The following DYTN variants were observed in gnomAD, a reference collection of about 807,000 sequenced individuals.
The protein encoded by DYTN is dystrotelin.
DYTN carries 75 observed loss-of-function variants against 69.6 expected under a neutral mutation model. The observed-to-expected ratio is 1.08, with a 90% CI of 0.89 to 1.31. The LOEUF (loss-of-function observed/expected upper bound fraction) is 1.31, where lower values mean the gene tolerates loss of function less well. DYTN is among the 50% of genes most tolerant of loss of function. The pLI, the probability that DYTN is intolerant of heterozygous loss-of-function variation, is 0.00. For missense variants in DYTN, 726 were observed against 688.4 expected (o/e 1.05, Z -0.61); for synonymous variants, 252 against 249.1 (o/e 1.01, Z -0.11).
In DYTN at chr2:206,699,997, G is replaced by T. The variant is rs1344089133; in HGVS notation, c.556-107C>A. 3.3e-6 allele frequency: 5 copies of T among 1,537,828 alleles called. No individual in the cohort carries two copies. The African/African-American group carries it at 6.9e-5, about 21-fold the overall frequency. On this transcript the variant is annotated intron_variant, in intron 6 of 11. Transcript: ENST00000452335. ...GTTCTGCTGAAGAAGTTTATCATAG[G>T]AAAAGCTGGAGGTGAGACTACCTCC...
In DYTN at chr2:206,716,368, A is replaced by G. The variant is rs529974930; in HGVS notation, c.19+1893T>C. On this transcript the variant is annotated intron_variant, in intron 1 of 11. Transcript: ENST00000452335. Reference sequence around the variant, plus strand: ...GAACATGCCACAGGCCTCTCTCTGAATGTATATCCATCCAACAGTCAGCAT... The same window carrying G: ...GAACATGCCACAGGCCTCTCTCTGAGTGTATATCCATCCAACAGTCAGCAT... Among the ~76,000 whole-genome samples the G allele has an allele frequency of 5.3e-5, 8 of 152,248 alleles. No individual in the cohort carries two copies. The South Asian group carries it at 6.2e-4, about 12-fold the overall frequency.
intron 1 of DYTN, among the ~76,000 whole-genome samples, chr2:206,716,634 C>T (rs1700132956): frequency 6.6e-6 from 1 of 151,682 alleles, no homozygotes; most frequent in African/African-American, 2.4e-5. Context: ...ATGTCAGAAA[C>T]TCCTCTGTCC....
intron 1 of DYTN, among the ~76,000 whole-genome samples, chr2:206,712,119 A>T (rs1415876257): frequency 6.6e-6 from 1 of 152,232 alleles, no homozygotes; most frequent in Non-Finnish European, 1.5e-5. Flanking sequence ...ACCTTAAAGT[A>T]TGGTTCCTGA....
intron 3 of DYTN, among the ~76,000 whole-genome samples, chr2:206,706,187 C>G (rs1700023743): frequency 6.6e-6 from 1 of 152,120 alleles, no homozygotes; most frequent in Admixed American, 6.5e-5. Context: ...GCATCACTTC[C>G]TCGGGCCTCA....
intron 1 of DYTN, among the ~76,000 whole-genome samples, chr2:206,715,582 G>C (rs186770646): frequency 2.0e-5 from 3 of 152,132 alleles, no homozygotes; most frequent in Non-Finnish European, 4.4e-5. Context: ...AGTAGGGTGA[G>C]GTGAGGGAGA....
chr2:206,671,854 G>C (rs1301471166), intron 9 of DYTN, among the ~76,000 whole-genome samples: 1 of 152,192 alleles, frequency 6.6e-6, no homozygotes, highest in Non-Finnish European at 1.5e-5. Context: ...TAGACACTAT[G>C]GTTTATTTAG....
intron 5 of DYTN, among the ~76,000 whole-genome samples, chr2:206,700,658 A>G (rs919426495): frequency 4.6e-5 from 7 of 151,770 alleles, no homozygotes. Context: ...GGTTTGTTAC[A>G]TAGATATACA....
chr2:206,692,721 C>A (rs548218029), intron 9 of DYTN, among the ~76,000 whole-genome samples: 44 of 151,676 alleles, frequency 2.9e-4, no homozygotes, highest in African/African-American at 1.0e-3. Flanking sequence ...TAGCATAATC[C>A]CTGTTTTGGT....
intron 7 of DYTN, 84 bp downstream of exon 7, chr2:206,699,643 C>T (rs769332900): frequency 4.2e-5 from 61 of 1,462,994 alleles, no homozygotes; most frequent in Non-Finnish European, 5.2e-5. Flanking sequence ...AAGGAGGACC[C>T]CAAAAAGAAT....
intron 8 of DYTN, 27 bp from the exon 9 acceptor site, chr2:206,693,350 A>T: frequency 6.2e-7 from 1 of 1,606,004 alleles, no homozygotes; most frequent in South Asian, 1.1e-5. Flanking sequence ...CATTTTTAAA[A>T]AGCGTCAGAT....
At chr2:206,710,650 T>C in intron 1 of DYTN, 52 bp from the exon 2 acceptor site, 2 of 1,372,906 alleles carry the variant, frequency 1.5e-6, no homozygotes, top group African/African-American at 1.5e-5. Flanking sequence ...ATTATATAAA[T>C]CCCACATCAT....
At chr2:206,679,685 AT>A (rs1342631723) in intron 9 of DYTN, among the ~76,000 whole-genome samples, 31 of 152,244 alleles carry the variant, frequency 2.0e-4, no homozygotes, top group African/African-American at 7.2e-4. Context: ...GATAATTCAC[AT>A]CTAAAGAACA....
intron 9 of DYTN, among the ~76,000 whole-genome samples, chr2:206,672,248 AAT>A (rs56992450): frequency 0.14 from 20,917 of 152,150 alleles, 2,362 homozygotes; most frequent in African/African-American, 0.31. Context: ...TTTTAATAAA[AAT>A]ATGTTATATA....
intron 9 of DYTN, among the ~76,000 whole-genome samples, chr2:206,677,879 A>G (rs1350702301): frequency 6.6e-6 from 1 of 152,116 alleles, no homozygotes; most frequent in Non-Finnish European, 1.5e-5. Context: ...AATCCCAGCT[A>G]CTTGAGAGGC....
At position 206,718,276 on chromosome 2, in the gene DYTN, C is replaced by G. The variant is rs1276686395; in HGVS notation, c.4G>C (p.Asp2His). Reference sequence around the variant, plus strand: ...TAATACTCACCTTGTTTATCTGGATCCATTTCACAAATTTCCTGGAATGAC... The same window carrying G: ...TAATACTCACCTTGTTTATCTGGATGCATTTCACAAATTTCCTGGAATGAC... M[D>H]PDKQDALNSI... The change falls in exon 1 of 12, where the codon GAT becomes CAT. Residue 2 changes from aspartate (D) to histidine (H), a missense_variant. Physicochemically the swap from Asp to His is moderately conservative, Grantham distance 81. Coordinates refer to ENST00000452335, the MANE Select transcript of DYTN (RefSeq NM_001093730.1). The G allele has an allele frequency of 6.3e-7, 1 of 1,599,296 alleles. No individual in the cohort carries two copies. Among genetic ancestry groups the G allele is most frequent in the Admixed American group, 1.7e-5 (1 of 57,946 alleles).
chr2:206,668,354 C>G (rs1458968254), intron 9 of DYTN, among the ~76,000 whole-genome samples: 1 of 152,170 alleles, frequency 6.6e-6, no homozygotes, highest in Non-Finnish European at 1.5e-5. Context: ...TGTCAGAAAT[C>G]CAGTTCTTTT....
chr2:206,699,197 G>T lies in DYTN; in HGVS notation c.719+530C>A, dbSNP rs1302085318. ...CACATGTAACTCAATGCTTTGGGAG[G>T]CTGAGGCAGGAGGTTCACTTAAGAT... On this transcript the variant is annotated intron_variant, in intron 7 of 11. Transcript: ENST00000452335. Among the ~76,000 whole-genome samples the T allele has an allele frequency of 2.0e-5, 3 of 152,224 alleles. No individual in the cohort carries two copies. The East Asian group carries it at 5.8e-4, about 29-fold the overall frequency.
Position 206,699,783 on chromosome 2 carries a change from C to G in DYTN, c.663G>C (p.Arg221Ser), listed in dbSNP as rs1484792329. ...PTCHRLSAAE[R>S]VTHPARCTLC... ...GAGTGCACCGAGCAGGGTGAGTGAC[C>G]CTTTCAGCAGCTGATAACCGGTGGC... Residue 221 changes from arginine (R) to serine (S), a missense_variant, in exon 7 of 12, where the codon AGG becomes AGC. Arg to Ser is a moderately radical substitution (Grantham distance 110). Coordinates refer to ENST00000452335, the MANE Select transcript of DYTN (RefSeq NM_001093730.1). 1.2e-6 allele frequency: 2 copies of G among 1,613,766 alleles called. No homozygotes were observed. The highest frequency in any genetic ancestry group is 1.1e-5 in the South Asian group (1 of 91,076).
chr2:206,700,122 A>G (rs200982684), intron 6 of DYTN, 23 bp downstream of exon 6: 1 of 1,613,232 alleles, frequency 6.2e-7, no homozygotes, highest in Non-Finnish European at 8.5e-7. Context: ...CCCCAACTCC[A>G]GGGACATTTG....
Sources: gnomAD v4.1 joint callset for allele counts (sites outside exome capture counted in the v4.1 genomes callset) on GRCh38, gnomAD v4.1.1 for gene constraint, MANE v1.5 for transcripts, NCBI Gene and HGNC (gene_info 2026-07-23, HGNC 2026-07-21) for gene names.